The following LPAR5 variants were observed in gnomAD, a reference collection of about 807,000 sequenced individuals.
The protein encoded by LPAR5 is G protein-coupled receptor 92.
For synonymous variants in LPAR5, 271 were observed against 261.6 expected (o/e 1.04, Z -0.35); for missense variants, 544 against 521.8 (o/e 1.04, Z -0.41).
Position 6,621,080 on chromosome 12 carries a change from C to CCGTGTACCGAGTG in LPAR5, c.168_169insCACTCGGTACACG (p.Val57HisfsTer11), listed in dbSNP as rs770105299. On this transcript the variant is annotated frameshift_variant, in exon 2 of 2. Transcript: ENST00000329858. LOFTEE classifies it low-confidence loss of function (END_TRUNC). ...GCCAGGTTACACATGTACACGCTCA[C>CCGTGTACCGAGTG]CACCGAGTGCACGCGCAGCGCGCGC... 243 of 1,603,124 alleles carry CCGTGTACCGAGTG rather than the reference C, an allele frequency of 1.5e-4. No homozygotes were observed. Among genetic ancestry groups the CCGTGTACCGAGTG allele is most frequent in the Non-Finnish European group, 1.9e-4 (221 of 1,173,782 alleles).
intron 1 of LPAR5, among the ~76,000 whole-genome samples, chr12:6,628,432 G>T (rs1592300910): frequency 6.6e-6 from 1 of 151,774 alleles, no homozygotes; most frequent in African/African-American, 2.4e-5. Context: ...CCTCAAGTCT[G>T]TCTTTCTTTC....
rs773995038 is a variant in LPAR5 at position 6,620,818 on chromosome 12, C to G, written c.431G>C (p.Gly144Ala). 1 of 1,565,550 alleles carries G rather than the reference C, an allele frequency of 6.4e-7. No homozygotes were observed. Among genetic ancestry groups the G allele is most frequent in the Non-Finnish European group, 8.7e-7 (1 of 1,155,410 alleles). ...RPRVARLLCL[G>A]VWALILVFAV... ...AAACACCAGGATGAGCGCCCACACG[C>G]CCAGGCAGAGCAGCCGCGCCACGCG... The change falls in exon 2 of 2, where the codon GGC (glycine) becomes GCC (alanine). Residue 144 changes from glycine (G) to alanine (A), a missense_variant. By Grantham distance (60) the Gly-to-Ala change is moderately conservative (BLOSUM62 0). Transcript: ENST00000329858. This position sits in a 1 kb window ranked among gnomAD's most constrained non-coding sequence, Gnocchi z 6.8.
At position 6,620,180 on chromosome 12, in the gene LPAR5, A is replaced by T. The variant is rs780979668; in HGVS notation, c.1069T>A (p.Ser357Thr). 1 of 1,613,314 alleles carries T rather than the reference A, an allele frequency of 6.2e-7. No individual in the cohort carries two copies. ...TGTGTGAAGGAAGACAGAGAGTGGG[A>T]GTCGGAGGGTCGGAGCAGCCCCTGA... The part of the protein sequence containing the change: ...ASQGLLRPSD[S>T]HSLSSFTQCP... Residue 357 changes from serine (S) to threonine (T), a missense_variant, in exon 2 of 2, where the codon TCC (serine) becomes ACC (threonine). By Grantham distance (58) the Ser-to-Thr change is moderately conservative (BLOSUM62 1). Transcript: ENST00000329858. The surrounding 1 kb of genome is among the most constrained non-coding windows in gnomAD (Gnocchi z 6.8).
chr12:6,631,142 T>C (rs1272174691), intron 1 of LPAR5, among the ~76,000 whole-genome samples: 1 of 152,128 alleles, frequency 6.6e-6, no homozygotes, highest in Admixed American at 6.5e-5. Context: ...GAGGCCCCCA[T>C]AGGCTGAAGA....
At chr12:6,633,575 G>A (rs565169053) in intron 1 of LPAR5, among the ~76,000 whole-genome samples, 28 of 152,158 alleles carry the variant, frequency 1.8e-4, no homozygotes, top group Admixed American at 1.6e-3. Context: ...ACCACGCCTG[G>A]CTAATTTTTG....
chr12:6,622,146 A>G (rs1385853474), intron 1 of LPAR5, among the ~76,000 whole-genome samples: 1 of 148,678 alleles, frequency 6.7e-6, no homozygotes, highest in East Asian at 2.0e-4. Flanking sequence ...AAAAATAGCC[A>G]GGCGCGGTGG....
rs189695652 is a variant in LPAR5 at position 6,634,016 on chromosome 12, T to A, written c.-217+1891A>T. Among the ~76,000 whole-genome samples, 138 of 150,882 alleles carry A rather than the reference T, an allele frequency of 9.1e-4. 1 individual carries two copies. The highest frequency in any genetic ancestry group is 2.8e-3 in the African/African-American group (117 of 41,100). Reference sequence around the variant, plus strand: ...GGGACCCCATCTCTACAAAAAATATTTTTTTTTTGAGATAGAGTCTCGCTC... The same window carrying A: ...GGGACCCCATCTCTACAAAAAATATATTTTTTTTGAGATAGAGTCTCGCTC... On this transcript the variant is annotated intron_variant, in intron 1 of 1. Transcript: ENST00000329858.
At chr12:6,628,529 C>T (rs901004449) in intron 1 of LPAR5, among the ~76,000 whole-genome samples, 1 of 150,730 alleles carries the variant, frequency 6.6e-6, no homozygotes, top group Non-Finnish European at 1.5e-5. Context: ...GGCAGAATCT[C>T]GGCTCACTGC....
chr12:6,632,500 C>G (rs1156713609), intron 1 of LPAR5, among the ~76,000 whole-genome samples: 1 of 152,164 alleles, frequency 6.6e-6, no homozygotes, highest in Non-Finnish European at 1.5e-5. Context: ...TTAGCGAAGC[C>G]TACTTCCTCT....
At chr12:6,628,631 C>CTTT (rs1179212069) in intron 1 of LPAR5, among the ~76,000 whole-genome samples, 5 of 126,052 alleles carry the variant, frequency 4.0e-5, no homozygotes, top group East Asian at 4.7e-4. Context: ...CAGCTAATTT[C>CTTT]TTTTTTTTTT....
At chr12:6,625,420 CAAA>C (rs34197416) in intron 1 of LPAR5, among the ~76,000 whole-genome samples, 20 of 115,342 alleles carry the variant, frequency 1.7e-4, no homozygotes, top group Non-Finnish European at 1.6e-4. Context: ...GACTCCGTCT[CAAA>C]AAAAAAAAAA....
At chr12:6,629,736 TAA>T (rs762940197) in intron 1 of LPAR5, among the ~76,000 whole-genome samples, 18 of 148,284 alleles carry the variant, frequency 1.2e-4, no homozygotes, top group Non-Finnish European at 2.5e-4. Flanking sequence ...TACTTAAAGG[TAA>T]AGTTAGGCGA....
In LPAR5 at chr12:6,620,958, C is replaced by T; in HGVS notation, c.291G>A (p.Thr97=). 2 of 1,612,660 alleles carry T rather than the reference C, an allele frequency of 1.2e-6. No individual in the cohort carries two copies. Among genetic ancestry groups the T allele is most frequent in the East Asian group, 2.2e-5 (1 of 44,798 alleles). Residue 97 remains threonine, a synonymous_variant, in exon 2 of 2, where the codon ACG becomes ACA. Coordinates refer to ENST00000329858, the MANE Select transcript of LPAR5 (RefSeq NM_020400.6). The surrounding 1 kb of genome is among the most constrained non-coding windows in gnomAD (Gnocchi z 6.8). ...WPFPDLLCQT[T]GAIFQMNMYG... ...ACATGTTCATCTGGAAGATGGCGCC[C>T]GTCGTCTGGCACAGGAGGTCGGGGA...
chr12:6,626,307 G>A (rs1948939588), intron 1 of LPAR5, among the ~76,000 whole-genome samples: 1 of 152,130 alleles, frequency 6.6e-6, no homozygotes, highest in South Asian at 2.1e-4. Context: ...TAGAAACGGG[G>A]TCTGACTGTG....
At chr12:6,635,712 T>G (rs1949004759) in intron 1 of LPAR5, among the ~76,000 whole-genome samples, 195 bp downstream of exon 1, 1 of 152,152 alleles carries the variant, frequency 6.6e-6, no homozygotes, top group Admixed American at 6.5e-5. Context: ...AGCAGGCATG[T>G]TAGCTGTTTG....
chr12:6,621,574 T>A, intron 1 of LPAR5, 110 bp from the exon 2 acceptor site: 1 of 253,600 alleles, frequency 3.9e-6, no homozygotes, highest in Non-Finnish European at 7.6e-6. Context: ...AGTCTGCCAT[T>A]GGGCTAGAAT....
In LPAR5 at chr12:6,620,829, C is replaced by T. The variant is rs554831870; in HGVS notation, c.420G>A (p.Leu140=). 2.6e-6 allele frequency: 4 copies of T among 1,560,752 alleles called. No homozygotes were observed. In the African/African-American group the frequency reaches 5.4e-5, roughly 21 times the overall value. ...RHLRRPRVAR[L]LCLGVWALIL... ...TGAGCGCCCACACGCCCAGGCAGAGCAGCCGCGCCACGCGGGGCCGCCGCA... is the reference window on the plus strand; with the variant it reads ...TGAGCGCCCACACGCCCAGGCAGAGTAGCCGCGCCACGCGGGGCCGCCGCA... The change falls in exon 2 of 2, where the codon CTG becomes CTA. Residue 140 remains leucine (L), a synonymous_variant. Coordinates refer to ENST00000329858, the MANE Select transcript of LPAR5 (RefSeq NM_020400.6). This position sits in a 1 kb window ranked among gnomAD's most constrained non-coding sequence, Gnocchi z 6.8.
chr12:6,622,824 G>C (rs577787285), intron 1 of LPAR5, among the ~76,000 whole-genome samples: 5 of 152,138 alleles, frequency 3.3e-5, no homozygotes, highest in Non-Finnish European at 7.4e-5. Flanking sequence ...CCAGCTACTT[G>C]TGAGGCTGAG....
chr12:6,627,849 C>T (rs1948952266), intron 1 of LPAR5, among the ~76,000 whole-genome samples: 1 of 151,226 alleles, frequency 6.6e-6, no homozygotes, highest in Admixed American at 6.6e-5. Flanking sequence ...CCAACTACCC[C>T]CGCCCACGCT....
Sources: allele counts gnomAD v4.1 joint callset (sites outside exome capture counted in the v4.1 genomes callset), GRCh38; gene constraint gnomAD v4.1.1; non-coding constraint Gnocchi (gnomAD v3.1); transcripts MANE v1.5; gene names NCBI Gene and HGNC (gene_info 2026-07-23, HGNC 2026-07-21).